Variants in MIDN observed in about 807,000 individuals in gnomAD.
The protein encoded by MIDN is midnolin.
MIDN carries 26 observed loss-of-function variants against 46.1 expected under a neutral mutation model. The observed-to-expected ratio is 0.56, with a 90% CI of 0.41 to 0.78. MIDN has a LOEUF of 0.78. Ranked by LOEUF, MIDN falls within the 30% of genes least tolerant of loss-of-function variation. MIDN has a pLI of 0.00. For missense variants in MIDN, 850 were observed against 771.8 expected (o/e 1.10, Z -1.20); for synonymous variants, 432 against 343.3 (o/e 1.26, Z -2.86).
chr19:1,251,045 G>C (rs2081120419), intron 2 of MIDN, among the ~76,000 whole-genome samples: 1 of 151,982 alleles, frequency 6.6e-6, no homozygotes. Flanking sequence ...TCCCAGTGGA[G>C]GGGCCCATCG....
chr19:1,250,609 AAGGCAGGGGGCGGCC>A, intron 2 of MIDN, 80 bp downstream of exon 2: 1 of 786,798 alleles, frequency 1.3e-6, no homozygotes, highest in Non-Finnish European at 1.6e-6. Context: ...CCGCGCGGGG[AAGGCAGGGGGCGGCC>A]AGACAGGGGG....
chr19:1,255,800 TG>T (rs1333703991), intron 8 of MIDN, 106 bp downstream of exon 8: 123 of 1,106,950 alleles, frequency 1.1e-4, no homozygotes, highest in Non-Finnish European at 1.3e-4. Context: ...GCCCAGGGGC[TG>T]GGGGGGATGG....
At chr19:1,251,775 A>T in intron 3 of MIDN, 64 bp from the exon 4 acceptor site, 1 of 1,538,500 alleles carries the variant, frequency 6.5e-7, no homozygotes, top group South Asian at 1.1e-5. Context: ...GGCCCTCTCC[A>T]CCCCCTATTC....
At position 1,257,793 on chromosome 19, in the gene MIDN, G is replaced by T; in HGVS notation, c.*521G>T. 1 of 154,320 alleles carries T rather than the reference G, an allele frequency of 6.5e-6. No homozygotes were observed. The allele number at this position is 154,320 out of a possible 1,614,324, so 9.6% of individuals were successfully genotyped here. A position where few individuals can be genotyped will look rare whatever the true frequency, so the allele number is the denominator to read the frequency against. On this transcript the variant is annotated 3_prime_UTR_variant, in exon 9 of 9. Transcript: ENST00000682408. Reference sequence around the variant, plus strand: ...CACCCCACCCCCCAGTGCAGACTTCGGGGTCTCCACCCCAGGCCAGCAGCG... The same window carrying T: ...CACCCCACCCCCCAGTGCAGACTTCTGGGTCTCCACCCCAGGCCAGCAGCG...
chr19:1,254,157 C>T lies in MIDN; in HGVS notation c.514-10C>T, dbSNP rs1326393605. 1 of 1,590,432 alleles carries T rather than the reference C, an allele frequency of 6.3e-7. No homozygotes were observed. The highest frequency in any genetic ancestry group is 2.3e-5 in the East Asian group (1 of 44,370). On this transcript the variant is annotated splice_polypyrimidine_tract_variant and intron_variant, in intron 5 of 8. Transcript: ENST00000682408. ...TGGGGCTCCCAGCTGACGGACCGCT[C>T]TCCTTGCAGGTCAGTGACTTCCTGT...
chr19:1,254,774 G>A (rs1056020063), intron 6 of MIDN, 128 bp from the exon 7 acceptor site: 1 of 1,163,880 alleles, frequency 8.6e-7, no homozygotes, highest in Non-Finnish European at 1.2e-6. Context: ...CCTTGGGCTA[G>A]TTTATCTCTA....
At chr19:1,252,315 C>T (rs1322140833) in intron 4 of MIDN, among the ~76,000 whole-genome samples, 1 of 152,064 alleles carries the variant, frequency 6.6e-6, no homozygotes, top group Non-Finnish European at 1.5e-5. Context: ...GGGGTGGCGG[C>T]TTGGGTGACA....
intron 4 of MIDN, among the ~76,000 whole-genome samples, chr19:1,252,385 C>T (rs1264126988): frequency 1.3e-5 from 2 of 151,786 alleles, no homozygotes; most frequent in East Asian, 1.9e-4. Context: ...ACCCTCCCCT[C>T]CTCTCTCTGG....
chr19:1,251,312 A>AG (rs2145486490), intron 2 of MIDN: 1 of 516,962 alleles, frequency 1.9e-6, no homozygotes, highest in East Asian at 3.6e-5. Context: ...TGGGGTGCAG[A>AG]GGGGGTGCCA....
rs763295876 is a variant in MIDN at position 1,254,093 on chromosome 19, G to C, written c.513+11G>C. Reference sequence around the variant, plus strand: ...GGCGAGAGGCCCCAGGTCACAGCGCGGGGGGACTGGGCCGGGCTGGGCTGG... The same window carrying C: ...GGCGAGAGGCCCCAGGTCACAGCGCCGGGGGACTGGGCCGGGCTGGGCTGG... On this transcript the variant is annotated intron_variant, in intron 5 of 8. Coordinates refer to ENST00000682408, the MANE Select transcript of MIDN (RefSeq NM_001388306.1). The C allele has an allele frequency of 7.9e-6, 12 of 1,528,466 alleles. No individual in the cohort carries two copies. The highest frequency in any genetic ancestry group is 1.2e-5 in the South Asian group (1 of 84,700). 94.7% of individuals were successfully genotyped at this position (1,528,466 alleles called of 1,614,324 possible).
At chr19:1,254,874 G>T (rs200364770) in intron 6 of MIDN, 28 bp from the exon 7 acceptor site, 1 of 1,582,462 alleles carries the variant, frequency 6.3e-7, no homozygotes, top group African/African-American at 1.3e-5. Context: ...CCTGGACCCC[G>T]TGCTCATGTG....
intron 2 of MIDN, chr19:1,251,232 G>A: frequency 3.3e-6 from 1 of 304,448 alleles, no homozygotes. Flanking sequence ...GGGGGCAGGG[G>A]CTGCCCTGGG....
chr19:1,252,981 G>A lies in MIDN; in HGVS notation c.385-973G>A, dbSNP rs555894798. On this transcript the variant is annotated intron_variant, in intron 4 of 8. Coordinates refer to ENST00000682408, the MANE Select transcript of MIDN (RefSeq NM_001388306.1). ...CTGCGGTTGGCAGGGGGCCCAGGGC[G>A]TGTTGGCTTCACACCCTCCTCCCTG... 7.2e-4 allele frequency among the ~76,000 whole-genome samples: 105 copies of A among 145,470 alleles called. 1 individual carries two copies. The highest frequency in any genetic ancestry group is 2.5e-3 in the African/African-American group (99 of 38,988).
At chr19:1,256,725 C>T (rs2081203384) in intron 8 of MIDN, among the ~76,000 whole-genome samples, 1 of 152,096 alleles carries the variant, frequency 6.6e-6, no homozygotes, top group Non-Finnish European at 1.5e-5. Context: ...GTGGCTCAGG[C>T]CTGTCTCGAA....
At chr19:1,253,717 A>C (rs775079670) in intron 4 of MIDN, 1 of 231,856 alleles carries the variant, frequency 4.3e-6, no homozygotes. Flanking sequence ...AATTCCACCC[A>C]CTTGCTGGCC....
At chr19:1,251,519 T>A (rs1184437924) in intron 2 of MIDN, 43 bp from the exon 3 acceptor site, 1 of 1,577,234 alleles carries the variant, frequency 6.3e-7, no homozygotes, top group Non-Finnish European at 8.7e-7. Context: ...CGCGTCCCTG[T>A]GTCGTCTCCG....
intron 1 of MIDN, among the ~76,000 whole-genome samples, chr19:1,249,527 A>T (rs958906472): frequency 3.4e-5 from 5 of 146,346 alleles, no homozygotes; most frequent in African/African-American, 1.0e-4. Flanking sequence ...CCGTCTCCAG[A>T]CCTGGGTCCC....
Position 1,250,264 on chromosome 19 carries a change from C to T in MIDN, c.-33C>T. 2.2e-6 allele frequency: 2 copies of T among 916,556 alleles called. No individual in the cohort carries two copies. Among genetic ancestry groups the T allele is most frequent in the Non-Finnish European group, 2.6e-6 (2 of 767,420 alleles). The allele number at this position is 916,556 out of a possible 1,614,324, so 56.8% of individuals were successfully genotyped here. On this transcript the variant is annotated 5_prime_UTR_variant, in exon 2 of 9. Transcript: ENST00000682408. ...GAGGCGCGGCGAGGATTGGCGGCGCCCGCCGCCCCCAGCCCCCCAGCGCGC... is the reference window on the plus strand; with the variant it reads ...GAGGCGCGGCGAGGATTGGCGGCGCTCGCCGCCCCCAGCCCCCCAGCGCGC...
intron 6 of MIDN, 28 bp downstream of exon 6, chr19:1,254,506 C>CTTG: frequency 6.5e-7 from 1 of 1,537,946 alleles, no homozygotes; most frequent in Non-Finnish European, 8.7e-7. Flanking sequence ...AAGGGTGACC[C>CTTG]TTGGTTGGAA....
Sources: allele counts gnomAD v4.1 joint callset (sites outside exome capture counted in the v4.1 genomes callset), GRCh38; gene constraint gnomAD v4.1.1; transcripts MANE v1.5; gene names NCBI Gene and HGNC (gene_info 2026-07-23, HGNC 2026-07-21).